The following WDR72 variants were observed in gnomAD, a reference collection of about 807,000 sequenced individuals.
The protein encoded by WDR72 is WD repeat domain 72.
WDR72 carries 120 observed loss-of-function variants against 124.2 expected under a neutral mutation model. The observed-to-expected ratio is 0.97, with a 90% CI of 0.83 to 1.12. The LOEUF is 1.12. WDR72 is among the 50% of genes most tolerant of loss of function. WDR72 has a pLI of 0.00. For synonymous variants in WDR72, 452 were observed against 441.7 expected, an observed-to-expected ratio of 1.02 and a Z score of -0.29; for missense variants, 1,387 against 1,278.8, an observed-to-expected ratio of 1.08 and a Z score of -1.29.
intron 18 of WDR72, among the ~76,000 whole-genome samples, chr15:53,577,131 C>T (rs569820223): frequency 1.2e-4 from 19 of 152,192 alleles, no homozygotes; most frequent in African/African-American, 3.1e-4. Context: ...GCTACCTGTT[C>T]GTATGAAAGA....
At chr15:53,731,580 C>T (rs1021290689) in intron 2 of WDR72, among the ~76,000 whole-genome samples, 4 of 151,300 alleles carry the variant, frequency 2.6e-5, no homozygotes, top group African/African-American at 4.9e-5. Context: ...AGGAAAATTG[C>T]TCCCTGTAAG....
Position 53,710,918 on chromosome 15 carries a change from C to A in WDR72, c.893G>T (p.Arg298Ile), listed in dbSNP as rs1210155716. ...AGGATAAATGGTCTCTTTAAGCACT[C>A]TTCCATCAGCAGGGTATATGCTTTT... is the stretch of plus-strand genomic sequence containing the variant. ...LSKSIYPADG[R>I]VLKETIYPHL... The change falls in exon 9 of 20, where the codon AGA (arginine) becomes ATA (isoleucine). Residue 298 changes from arginine to isoleucine, a missense_variant. By Grantham distance (97) the Arg-to-Ile change is moderately conservative (BLOSUM62 -3). Coordinates refer to ENST00000360509, the MANE Select transcript of WDR72 (RefSeq NM_182758.4). The A allele has an allele frequency of 6.2e-7, 1 of 1,613,758 alleles. No homozygotes were observed. The highest frequency in any genetic ancestry group is 1.1e-5 in the South Asian group (1 of 91,086).
intron 15 of WDR72, 97 bp from the exon 16 acceptor site, chr15:53,613,854 T>C (rs2013650375): frequency 2.6e-6 from 2 of 764,674 alleles, no homozygotes; most frequent in East Asian, 5.0e-5. Flanking sequence ...CTTTAGCAAA[T>C]TTGGAAATTG....
At chr15:53,715,444 T>G in intron 4 of WDR72, 77 bp from the exon 5 acceptor site, 21 of 1,546,408 alleles carry the variant, frequency 1.4e-5, no homozygotes, top group Non-Finnish European at 1.8e-5. Flanking sequence ...AAGATTTCTC[T>G]AGACTTTAGT....
chr15:53,730,776 T>C (rs1435894902), intron 2 of WDR72, among the ~76,000 whole-genome samples: 2 of 152,146 alleles, frequency 1.3e-5, no homozygotes, highest in Non-Finnish European at 2.9e-5. Flanking sequence ...ATTATTCCTT[T>C]ATATACACAT....
intron 2 of WDR72, among the ~76,000 whole-genome samples, chr15:53,724,302 A>G (rs1439181600): frequency 6.6e-6 from 1 of 152,208 alleles, no homozygotes; most frequent in Non-Finnish European, 1.5e-5. Context: ...AGTTCTTGCC[A>G]CACACACAAA....
rs762870230 is a variant in WDR72 at position 53,615,713 on chromosome 15, T to G, written c.2493A>C (p.Gly831=). The part of the protein sequence containing the change: ...ILKLQGPISL[G]ISLNEDNFSL... ...AGAAATTATCTTCATTCAAAGAAAT[T>G]CCCAAAGAAATAGGACCCTGAAGCT... The change falls in exon 15 of 20, where the codon GGA becomes GGC. Residue 831 remains glycine (G), a synonymous_variant. Coordinates refer to ENST00000360509, the MANE Select transcript of WDR72 (RefSeq NM_182758.4). 1 of 1,612,366 alleles carries G rather than the reference T, an allele frequency of 6.2e-7. No homozygotes were observed. Among genetic ancestry groups the G allele is most frequent in the Non-Finnish European group, 8.5e-7 (1 of 1,179,278 alleles).
intron 2 of WDR72, 32 bp from the exon 3 acceptor site, chr15:53,722,940 T>C (rs756156961): frequency 5.7e-6 from 9 of 1,570,196 alleles, no homozygotes; most frequent in East Asian, 2.2e-5. Flanking sequence ...TTTTAAATAA[T>C]TGTAAACTGT....
intron 3 of WDR72, among the ~76,000 whole-genome samples, 160 bp downstream of exon 3, chr15:53,722,642 T>C (rs896982133): frequency 1.3e-5 from 2 of 152,188 alleles, no homozygotes; most frequent in Non-Finnish European, 2.9e-5. Context: ...CTTGGGATCA[T>C]CACACAAGTT....
chr15:53,571,841 A>G (rs1412716815), intron 18 of WDR72, among the ~76,000 whole-genome samples: 1 of 151,748 alleles, frequency 6.6e-6, no homozygotes, highest in Non-Finnish European at 1.5e-5. Context: ...TCTCACCAAC[A>G]GTGTGCAAGT....
intron 18 of WDR72, among the ~76,000 whole-genome samples, chr15:53,552,467 T>C (rs1462816367): frequency 2.0e-5 from 3 of 152,166 alleles, no homozygotes; most frequent in African/African-American, 7.2e-5. Context: ...CAATGTCTAT[T>C]TGCACAGCTA....
chr15:53,760,219 T>C (rs2019035721), upstream of WDR72, among the ~76,000 whole-genome samples: 1 of 152,012 alleles, frequency 6.6e-6, no homozygotes, highest in African/African-American at 2.4e-5. Context: ...ACAATTATAT[T>C]ATTATTGACT....
intron 13 of WDR72, among the ~76,000 whole-genome samples, chr15:53,680,970 A>C (rs1215029119): frequency 2.0e-5 from 3 of 152,218 alleles, no homozygotes; most frequent in African/African-American, 7.2e-5. Flanking sequence ...ACATTCCCTC[A>C]GTCGAATTCT....
At chr15:53,637,260 C>A (rs567960915) in intron 14 of WDR72, among the ~76,000 whole-genome samples, 3 of 152,208 alleles carry the variant, frequency 2.0e-5, no homozygotes, top group Admixed American at 2.0e-4. Flanking sequence ...AATGTATTAA[C>A]ATTAGGATCT....
chr15:53,612,721 C>T (rs914360864), intron 16 of WDR72, among the ~76,000 whole-genome samples: 3 of 151,924 alleles, frequency 2.0e-5, no homozygotes, highest in Non-Finnish European at 4.4e-5. Flanking sequence ...TTATTCTGAG[C>T]GAAACAGAAG....
Position 53,702,249 on chromosome 15 carries a change from C to T in WDR72, c.1454G>A (p.Gly485Glu). 8 of 1,614,076 alleles carry T rather than the reference C, an allele frequency of 5.0e-6. No individual in the cohort carries two copies. Among genetic ancestry groups the T allele is most frequent in the Non-Finnish European group, 6.8e-6 (8 of 1,180,020 alleles). The change falls in exon 12 of 20, where the codon GGG (glycine) becomes GAG (glutamate). Residue 485 changes from glycine (G) to glutamate (E), a missense_variant. Physicochemically the swap from Gly to Glu is moderately conservative, Grantham distance 98. Transcript: ENST00000360509. Reference sequence around the variant, plus strand: ...CAAGATCACACATGAGTCCAGGTCCCCAGACAACATCCAACTTTGGTCTAA... The same window carrying T: ...CAAGATCACACATGAGTCCAGGTCCTCAGACAACATCCAACTTTGGTCTAA... ...SKLDQSWMLS[G>E]DLDSCVILWD...
At chr15:53,706,358 A>ATATATATATATGTGTGTG (rs1567040138) in intron 9 of WDR72, among the ~76,000 whole-genome samples, 4 of 39,846 alleles carry the variant, frequency 1.0e-4, no homozygotes, top group Admixed American at 2.6e-4. Context: ...GTGTATATAT[A>ATATATATATATGTGTGTG]TATATATATA....
At chr15:53,543,494 A>G (rs1893266043) in intron 18 of WDR72, among the ~76,000 whole-genome samples, 1 of 151,696 alleles carries the variant, frequency 6.6e-6, no homozygotes, top group Non-Finnish European at 1.5e-5. Flanking sequence ...CATTCAAAGC[A>G]GTGTGTAGAG....
At chr15:53,756,035 GTTC>G (rs2018894593) in intron 1 of WDR72, among the ~76,000 whole-genome samples, 1 of 152,174 alleles carries the variant, frequency 6.6e-6, no homozygotes, top group Admixed American at 6.5e-5. Context: ...AGGACTCTGT[GTTC>G]TAATCTATAC....
Sources: allele counts gnomAD v4.1 joint callset (sites outside exome capture counted in the v4.1 genomes callset), GRCh38; gene constraint gnomAD v4.1.1; transcripts MANE v1.5; gene names NCBI Gene and HGNC (gene_info 2026-07-23, HGNC 2026-07-21).